The following FLVCR2 variants were observed in gnomAD, a reference collection of about 807,000 sequenced individuals.
FLVCR2 encodes the protein FLVCR choline and putative heme transporter 2.
In FLVCR2, 38 loss-of-function variants were observed where a neutral mutation model predicts 48.9. The observed-to-expected ratio is 0.78, with a 90% CI of 0.60 to 1.02. The LOEUF is 1.02. Ranked by LOEUF, FLVCR2 falls within the 50% of genes least tolerant of loss-of-function variation. The pLI is 0.00. For synonymous variants in FLVCR2, 255 were observed against 257.0 expected (o/e 0.99, Z 0.07); for missense variants, 664 against 663.3 (o/e 1.00, Z -0.01).
At chr14:75,622,018 A>G (rs1324603459) in intron 1 of FLVCR2, 61 bp from the exon 2 acceptor site, 1 of 1,547,914 alleles carries the variant, frequency 6.5e-7, no homozygotes, top group African/African-American at 1.4e-5. Context: ...ATCTCTTTAC[A>G]TTTGTGTTGT....
rs993653697 is a variant in FLVCR2, at chr14:75,646,499, C to T, written c.*27C>T. 3 of 1,508,958 alleles carry T rather than the reference C, an allele frequency of 2.0e-6. No individual in the cohort carries two copies. The highest frequency in any genetic ancestry group is 2.8e-6 in the Non-Finnish European group (3 of 1,083,944). 93.5% of individuals were successfully genotyped at this position (1,508,958 alleles called of 1,614,324 possible). Reference sequence around the variant, plus strand: ...AGGAAGGTGGTGACAACTCAGGGAACACGAACACCCCACCTTTTCCTTCAG... The same window carrying T: ...AGGAAGGTGGTGACAACTCAGGGAATACGAACACCCCACCTTTTCCTTCAG... On this transcript the variant is annotated 3_prime_UTR_variant, in exon 10 of 10. Coordinates refer to ENST00000238667, the MANE Select transcript of FLVCR2 (RefSeq NM_017791.3).
intron 1 of FLVCR2, among the ~76,000 whole-genome samples, chr14:75,596,436 GT>G (rs1889023398): frequency 6.6e-6 from 1 of 152,096 alleles, no homozygotes; most frequent in African/African-American, 2.4e-5. Context: ...TTGGAGTGTG[GT>G]GGGGTCCCAG....
At chr14:75,629,450 A>G (rs1443230813) in intron 3 of FLVCR2, among the ~76,000 whole-genome samples, 3 of 152,188 alleles carry the variant, frequency 2.0e-5, no homozygotes, top group African/African-American at 4.8e-5. Flanking sequence ...AACTTTGGCA[A>G]TGTGGGAAGA....
chr14:75,626,672 C>G (rs1447141366), intron 3 of FLVCR2, among the ~76,000 whole-genome samples: 1 of 151,874 alleles, frequency 6.6e-6, no homozygotes, highest in Non-Finnish European at 1.5e-5. Context: ...GGTATTCAAG[C>G]ATAGATGGGA....
rs1890256081 is a variant in FLVCR2, at chr14:75,639,522, C to T, written c.1235+60C>T. 5 of 1,187,952 alleles carry T rather than the reference C, an allele frequency of 4.2e-6. No individual in the cohort carries two copies. The African/African-American group carries it at 4.5e-5, about 11-fold the overall frequency. 73.6% of individuals were successfully genotyped at this position (1,187,952 alleles called of 1,614,324 possible). On this transcript the variant is annotated intron_variant, in intron 6 of 9. Transcript: ENST00000238667. The stretch of plus-strand genomic sequence containing the variant: ...ACCATGCCATGGCTCCCAGAGCTTC[C>T]AGCATCCTAGAATGCAATATTGATG...
chr14:75,645,997 C>T (rs1283784899), intron 9 of FLVCR2, among the ~76,000 whole-genome samples: 4 of 151,208 alleles, frequency 2.6e-5, no homozygotes, highest in East Asian at 1.9e-4. Context: ...CCAAGGGAAT[C>T]GCAGACCTGG....
chr14:75,633,594 G>T (rs757690678), intron 3 of FLVCR2, 35 bp from the exon 4 acceptor site: 2 of 1,570,594 alleles, frequency 1.3e-6, no homozygotes, highest in Non-Finnish European at 1.8e-6. Context: ...GAAGAAAGCT[G>T]ACCCTAATGT....
intron 1 of FLVCR2, among the ~76,000 whole-genome samples, chr14:75,619,528 A>G (rs561974909): frequency 1.6e-4 from 24 of 151,840 alleles, no homozygotes; most frequent in Admixed American, 5.9e-4. Flanking sequence ...CATCATGACT[A>G]TGGAACAGAC....
intron 1 of FLVCR2, among the ~76,000 whole-genome samples, chr14:75,584,637 C>CA (rs1440429621): frequency 6.6e-6 from 1 of 152,156 alleles, no homozygotes; most frequent in African/African-American, 2.4e-5. Flanking sequence ...CTGAAAGTTC[C>CA]ACTGGGGGTC....
At chr14:75,645,939 A>G (rs534183866) in intron 9 of FLVCR2, among the ~76,000 whole-genome samples, 2,677 of 133,850 alleles carry the variant, frequency 0.02, 44 homozygotes, top group South Asian at 0.038. Flanking sequence ...AAAAAAAAAA[A>G]GTATTCCTCA....
chr14:75,620,817 C>T (rs556318150), intron 1 of FLVCR2, among the ~76,000 whole-genome samples: 7 of 152,250 alleles, frequency 4.6e-5, no homozygotes, highest in African/African-American at 1.2e-4. Flanking sequence ...GAAGGAAAAA[C>T]GAATCAAGGG....
chr14:75,590,796 G>C (rs570506819), intron 1 of FLVCR2, among the ~76,000 whole-genome samples: 2 of 152,170 alleles, frequency 1.3e-5, no homozygotes, highest in Non-Finnish European at 2.9e-5. Context: ...GCAGATGCCA[G>C]CATCATGCTT....
intron 1 of FLVCR2, chr14:75,596,168 C>T: frequency 1.3e-6 from 1 of 764,814 alleles, no homozygotes; most frequent in Non-Finnish European, 2.3e-6. Flanking sequence ...GTCGGTTGAT[C>T]ATGAACTTTC....
At chr14:75,580,680 A>AGG (rs1888573158) in intron 1 of FLVCR2, among the ~76,000 whole-genome samples, 1 of 118,784 alleles carries the variant, frequency 8.4e-6, no homozygotes, top group Admixed American at 8.8e-5. Context: ...TTTTTCAGAC[A>AGG]GGGTGGATCT....
At chr14:75,584,739 C>T (rs560700062) in intron 1 of FLVCR2, among the ~76,000 whole-genome samples, 1 of 152,276 alleles carries the variant, frequency 6.6e-6, no homozygotes, top group African/African-American at 2.4e-5. Context: ...AAAACTCTTT[C>T]CCGTTCATCT....
chr14:75,643,980 G>C (rs1890359671), intron 9 of FLVCR2, among the ~76,000 whole-genome samples: 1 of 151,028 alleles, frequency 6.6e-6, no homozygotes, highest in Non-Finnish European at 1.5e-5. Context: ...GGAGGTTGCG[G>C]TAAGCTGAGA....
At chr14:75,613,618 T>C (rs1030248260) in intron 1 of FLVCR2, among the ~76,000 whole-genome samples, 2 of 152,170 alleles carry the variant, frequency 1.3e-5, no homozygotes, top group African/African-American at 4.8e-5. Context: ...GTGGCACATC[T>C]TGGCCCACTG....
chr14:75,621,507 T>C (rs540975309), intron 1 of FLVCR2, among the ~76,000 whole-genome samples: 40 of 152,260 alleles, frequency 2.6e-4, no homozygotes, highest in Admixed American at 2.4e-3. Flanking sequence ...CCTATGTGTA[T>C]AAATTTATGC....
chr14:75,579,417 G>C lies in FLVCR2; in HGVS notation c.445G>C (p.Gly149Arg). 6.2e-7 allele frequency: 1 copy of C among 1,613,984 alleles called. No homozygotes were observed. The highest frequency in any genetic ancestry group is 8.5e-7 in the Non-Finnish European group (1 of 1,180,034). The change falls in exon 1 of 10, where the codon GGC (glycine) becomes CGC (arginine). Residue 149 changes from glycine (G) to arginine (R), a missense_variant. Gly to Arg is a moderately radical substitution (Grantham distance 125, BLOSUM62 -2). Transcript: ENST00000238667. ...LPVAWLLEKF[G>R]LRTIALTGSA... Reference sequence around the variant, plus strand: ...AGTGGCTTGGCTGCTGGAGAAGTTCGGCCTGCGCACCATTGCTCTCACTGG... The same window carrying C: ...AGTGGCTTGGCTGCTGGAGAAGTTCCGCCTGCGCACCATTGCTCTCACTGG...
Sources: allele counts gnomAD v4.1 joint callset (sites outside exome capture counted in the v4.1 genomes callset), GRCh38; gene constraint gnomAD v4.1.1; transcripts MANE v1.5; gene names NCBI Gene and HGNC (gene_info 2026-07-23, HGNC 2026-07-21).